TFF1: variants seen among roughly 807,000 people sequenced by gnomAD.
The protein encoded by TFF1 is breast cancer estrogen-inducible protein.
A neutral mutation model predicts 7.7 loss-of-function variants in TFF1; 8 were observed. The observed-to-expected ratio is 1.04, with a 90% CI of 0.61 to 1.87. The LOEUF is 1.87. TFF1 is among the 40% of genes most tolerant of loss of function. TFF1 has a pLI of 0.00. For synonymous variants in TFF1, 47 were observed against 44.8 expected (o/e 1.05, Z -0.19); for missense variants, 120 against 113.4 (o/e 1.06, Z -0.26).
intron 1 of TFF1, among the ~76,000 whole-genome samples, chr21:42,366,169 C>T (rs2052277730): frequency 6.6e-6 from 1 of 152,172 alleles, no homozygotes; most frequent in South Asian, 2.1e-4. Flanking sequence ...CACAGGAAAA[C>T]AGCCCCGACT....
rs7281220 is a variant in TFF1, at chr21:42,363,237, C to T, written c.238+18G>A. The T allele has an allele frequency of 1.2e-6, 2 of 1,613,822 alleles. No homozygotes were observed. Among genetic ancestry groups the T allele is most frequent in the South Asian group, 1.1e-5 (1 of 91,082 alleles). On this transcript the variant is annotated intron_variant, in intron 2 of 2. Coordinates refer to ENST00000291527, the MANE Select transcript of TFF1 (RefSeq NM_003225.3). ...CTAATTCTAAATCTTCAGAACCCATCGTATAAAAAGGCCATACCTTCTGGA... is the reference window on the plus strand; with the variant it reads ...CTAATTCTAAATCTTCAGAACCCATTGTATAAAAAGGCCATACCTTCTGGA...
In TFF1 at chr21:42,362,333, G is replaced by C; in HGVS notation, c.*146C>G. On this transcript the variant is annotated 3_prime_UTR_variant, in exon 3 of 3. Coordinates refer to ENST00000291527, the MANE Select transcript of TFF1 (RefSeq NM_003225.3). ...GGCCAATTTTGAGTAGTCAAAGTCA[G>C]AGCAGTCAATCTGTGTTGTGAGCCG... 5 of 843,760 alleles carry C rather than the reference G, an allele frequency of 5.9e-6. No homozygotes were observed. Among genetic ancestry groups the C allele is most frequent in the African/African-American group, 1.8e-5 (1 of 57,028 alleles). The allele number at this position is 843,760 out of a possible 1,614,324, so 52.3% of individuals were successfully genotyped here.
In TFF1 at chr21:42,362,439, G is replaced by A. The variant is rs181388912; in HGVS notation, c.*40C>T. ...TGGGACTAATCACCGTGCTGGGGAC[G>A]GCACCGCGTCAGGATGCAGGCAGAT... On this transcript the variant is annotated 3_prime_UTR_variant, in exon 3 of 3. Transcript: ENST00000291527. 40 of 1,565,928 alleles carry A rather than the reference G, an allele frequency of 2.6e-5. No homozygotes were observed. The African/African-American group carries it at 4.1e-4, about 16-fold the overall frequency.
Position 42,363,272 on chromosome 21 carries a change from A to T in TFF1, c.221T>A (p.Ile74Asn), listed in dbSNP as rs138685842. The part of the protein sequence containing the change: ...GVPWCFYPNT[I>N]DVPPEEECEF The stretch of plus-strand genomic sequence containing the variant: ...GGCCATACCTTCTGGAGGGACGTCG[A>T]TGGTATTAGGATAGAAGCACCAGGG... The change falls in exon 2 of 3, where the codon ATC (isoleucine) becomes AAC (asparagine). Residue 74 changes from isoleucine to asparagine, a missense_variant. By Grantham distance (149) the Ile-to-Asn change is moderately radical. Coordinates refer to ENST00000291527, the MANE Select transcript of TFF1 (RefSeq NM_003225.3). The T allele has an allele frequency of 4.2e-5, 67 of 1,614,100 alleles. No individual in the cohort carries two copies. In the African/African-American group the frequency reaches 7.2e-4, roughly 17 times the overall value.
intron 2 of TFF1, 52 bp downstream of exon 2, chr21:42,363,202 AC>A: frequency 1.9e-6 from 3 of 1,611,414 alleles, no homozygotes; most frequent in Non-Finnish European, 2.5e-6. Context: ...GTCTTAAATG[AC>A]TTTTCTAACT....
intron 2 of TFF1, among the ~76,000 whole-genome samples, chr21:42,362,762 T>A (rs555101632): frequency 1.2e-4 from 18 of 151,718 alleles, no homozygotes; most frequent in African/African-American, 1.7e-4. Context: ...ACAAAAAAAA[T>A]TTAGCTGGGC....
At chr21:42,363,708 A>G (rs2052258216) in intron 1 of TFF1, among the ~76,000 whole-genome samples, 1 of 152,272 alleles carries the variant, frequency 6.6e-6, no homozygotes, top group African/African-American at 2.4e-5. Context: ...ATAAATATTT[A>G]CTGAGCACCA....
chr21:42,364,889 C>T (rs73225474), intron 1 of TFF1, among the ~76,000 whole-genome samples: 2,428 of 152,252 alleles, frequency 0.016, 25 homozygotes, highest in Non-Finnish European at 0.023. Flanking sequence ...CTGGATCCAT[C>T]GCGACGTGAA....
rs1235188471 is a variant in TFF1 at position 42,362,317 on chromosome 21, T to C, written c.*162A>G. ...TCTCTTTTAATTTTTAGGCCAATTT[T>C]GAGTAGTCAAAGTCAGAGCAGTCAA... On this transcript the variant is annotated 3_prime_UTR_variant, in exon 3 of 3. Coordinates refer to ENST00000291527, the MANE Select transcript of TFF1 (RefSeq NM_003225.3). 1 of 707,618 alleles carries C rather than the reference T, an allele frequency of 1.4e-6. No individual in the cohort carries two copies. The highest frequency in any genetic ancestry group is 2.3e-6 in the Non-Finnish European group (1 of 430,398). 43.8% of individuals were successfully genotyped at this position (707,618 alleles called of 1,614,324 possible). A position where few individuals can be genotyped will look rare whatever the true frequency, so the allele number is the denominator to read the frequency against.
chr21:42,362,378 T>A lies in TFF1; in HGVS notation c.*101A>T. 3 of 1,350,118 alleles carry A rather than the reference T, an allele frequency of 2.2e-6. No homozygotes were observed. The highest frequency in any genetic ancestry group is 3.1e-6 in the Non-Finnish European group (3 of 976,860). 83.6% of individuals were successfully genotyped at this position (1,350,118 alleles called of 1,614,324 possible). On this transcript the variant is annotated 3_prime_UTR_variant, in exon 3 of 3. Coordinates refer to ENST00000291527, the MANE Select transcript of TFF1 (RefSeq NM_003225.3). ...GAGCCGAGGCACAGCTGCAGAAGCG[T>A]GTCTGAGGTGTCCGGTGGAGGTGGC...
At chr21:42,363,050 G>T (rs1172169771) in intron 2 of TFF1, among the ~76,000 whole-genome samples, 1 of 152,118 alleles carries the variant, frequency 6.6e-6, no homozygotes, top group African/African-American at 2.4e-5. Context: ...GGGGAAATCA[G>T]GTTTCTTCCC....
Position 42,362,302 on chromosome 21 carries a change from T to C in TFF1, c.*177A>G, listed in dbSNP as rs2052243481. ...ACAGATTAATATCGATCTCTTTTAA[T>C]TTTTAGGCCAATTTTGAGTAGTCAA... is the stretch of plus-strand genomic sequence containing the variant. On this transcript the variant is annotated 3_prime_UTR_variant, in exon 3 of 3. Coordinates refer to ENST00000291527, the MANE Select transcript of TFF1 (RefSeq NM_003225.3). The C allele has an allele frequency of 1.1e-5, 7 of 648,830 alleles. No individual in the cohort carries two copies. In the South Asian group the frequency reaches 1.3e-4, roughly 12 times the overall value. The allele number at this position is 648,830 out of a possible 1,614,324, so 40.2% of individuals were successfully genotyped here. A position where few individuals can be genotyped will look rare whatever the true frequency, so the allele number is the denominator to read the frequency against.
intron 1 of TFF1, among the ~76,000 whole-genome samples, chr21:42,366,047 C>G (rs2052276767): frequency 6.6e-6 from 1 of 152,192 alleles, no homozygotes; most frequent in Non-Finnish European, 1.5e-5. Flanking sequence ...TTGGGAGGGT[C>G]TGCCCCTGGG....
intron 2 of TFF1, among the ~76,000 whole-genome samples, chr21:42,363,035 G>T (rs1012849799): frequency 6.6e-6 from 1 of 152,062 alleles, no homozygotes; most frequent in African/African-American, 2.4e-5. Context: ...GTGAAGAGAA[G>T]CCGGGGGGAA....
intron 1 of TFF1, 103 bp from the exon 2 acceptor site, chr21:42,363,510 T>TGGACATCC: frequency 7.2e-7 from 1 of 1,397,236 alleles, no homozygotes; most frequent in Non-Finnish European, 9.6e-7. Context: ...CATCAGCAAC[T>TGGACATCC]GTCCAGTGAG....
In TFF1 at chr21:42,366,519, G is replaced by A. The variant is rs373326118; in HGVS notation, c.-24C>T. The A allele has an allele frequency of 1.8e-5, 29 of 1,595,666 alleles. No homozygotes were observed. Among genetic ancestry groups the A allele is most frequent in the East Asian group, 6.7e-5 (3 of 44,496 alleles). The stretch of plus-strand genomic sequence containing the variant: ...ATTGCCTCCTCTCTGCTCCAAAGGC[G>A]ACCCCGAGTCAGGGATGAGAGGCCG... On this transcript the variant is annotated 5_prime_UTR_variant, in exon 1 of 3. Coordinates refer to ENST00000291527, the MANE Select transcript of TFF1 (RefSeq NM_003225.3).
intron 1 of TFF1, among the ~76,000 whole-genome samples, chr21:42,366,187 GC>G (rs1222544932): frequency 6.6e-6 from 1 of 152,146 alleles, no homozygotes; most frequent in African/African-American, 2.4e-5. Flanking sequence ...ACTGAAGGCA[GC>G]CCCCTCCTCG....
Position 42,366,490 on chromosome 21 carries a change from G to T in TFF1, c.6C>A (p.Ala2=). The T allele has an allele frequency of 1.9e-6, 3 of 1,611,102 alleles. No homozygotes were observed. Among genetic ancestry groups the T allele is most frequent in the Non-Finnish European group, 2.5e-6 (3 of 1,177,876 alleles). M[A]TMENKVICAL... Reference sequence around the variant, plus strand: ...CGCAGATCACCTTGTTCTCCATGGTGGCCATTGCCTCCTCTCTGCTCCAAA... The same window carrying T: ...CGCAGATCACCTTGTTCTCCATGGTTGCCATTGCCTCCTCTCTGCTCCAAA... Residue 2 remains alanine, a synonymous_variant, in exon 1 of 3, where the codon GCC becomes GCA. Transcript: ENST00000291527.
At chr21:42,365,407 T>TG (rs1391136499) in intron 1 of TFF1, among the ~76,000 whole-genome samples, 1 of 152,064 alleles carries the variant, frequency 6.6e-6, no homozygotes, top group Non-Finnish European at 1.5e-5. Context: ...GCCATGGGCT[T>TG]GGGGGTCTTC....
Sources: gnomAD v4.1 joint callset for allele counts (sites outside exome capture counted in the v4.1 genomes callset) on GRCh38, gnomAD v4.1.1 for gene constraint, MANE v1.5 for transcripts, NCBI Gene and HGNC (gene_info 2026-07-23, HGNC 2026-07-21) for gene names.